The following ADGRL3 variants were observed in gnomAD, a reference collection of about 807,000 sequenced individuals.
The protein encoded by ADGRL3 is calcium-independent alpha-latrotoxin receptor 3.
A neutral mutation model predicts 153.5 loss-of-function variants in ADGRL3; 62 were observed. The ratio of observed to expected loss-of-function variants is 0.40; its 90% CI spans 0.33 to 0.50. The LOEUF (loss-of-function observed/expected upper bound fraction) is 0.50. Ranked by LOEUF, ADGRL3 falls within the 20% of genes least tolerant of loss-of-function variation. The pLI, the probability that ADGRL3 is intolerant of heterozygous loss-of-function variation, is 0.47. For missense variants in ADGRL3, 1,641 were observed against 1,859.4 expected (o/e 0.88, Z 2.16); for synonymous variants, 710 against 672.5 (o/e 1.06, Z -0.86).
chr4:62,069,479 T>C (rs948609518), intron 26 of ADGRL3, among the ~76,000 whole-genome samples: 13 of 152,132 alleles, frequency 8.5e-5, no homozygotes, highest in African/African-American at 2.9e-4. Flanking sequence ...GTGCCATTTA[T>C]CTGACTAAAC....
chr4:62,060,294 C>A (rs531111033), intron 25 of ADGRL3, among the ~76,000 whole-genome samples: 1 of 151,900 alleles, frequency 6.6e-6, no homozygotes, highest in African/African-American at 2.4e-5. Flanking sequence ...AGAAGAGTGG[C>A]GTGCAATCTC....
chr4:61,706,221 A>T (rs1580374085), intron 6 of ADGRL3, among the ~76,000 whole-genome samples: 1 of 152,034 alleles, frequency 6.6e-6, no homozygotes, highest in African/African-American at 2.4e-5. Context: ...GGAGTTCGAG[A>T]CCAGCCTGGC....
chr4:61,381,408 A>T (rs375252287), intron 1 of ADGRL3, among the ~76,000 whole-genome samples: 29 of 151,522 alleles, frequency 1.9e-4, no homozygotes, highest in South Asian at 1.9e-3. Context: ...GGTTCCTTAG[A>T]GAGGGGTGAT....
chr4:62,016,927 T>C (rs147905494), intron 21 of ADGRL3, among the ~76,000 whole-genome samples: 45 of 152,178 alleles, frequency 3.0e-4, no homozygotes, highest in African/African-American at 1.1e-3. Context: ...AATTTGTATA[T>C]AGATTCTTTT....
chr4:61,747,409 G>C lies in ADGRL3; in HGVS notation c.1399+13855G>C, dbSNP rs550930923. Among the ~76,000 whole-genome samples the C allele has an allele frequency of 9.7e-4, 148 of 151,974 alleles. 3 individuals carry two copies. Among genetic ancestry groups the C allele is most frequent in the Non-Finnish European group, 8.1e-4 (55 of 68,002 alleles). On this transcript the variant is annotated intron_variant, in intron 8 of 26. Coordinates refer to ENST00000683033, the MANE Select transcript of ADGRL3 (RefSeq NM_001387552.1). ...GCCTGGCAGAGACACAACCAAAAAA[G>C]AGAATTTTAGACCAATATCTTTGAT...
intron 6 of ADGRL3, among the ~76,000 whole-genome samples, chr4:61,699,918 T>C (rs1332791087): frequency 6.6e-6 from 1 of 150,724 alleles, no homozygotes; most frequent in Non-Finnish European, 1.5e-5. Context: ...AGTAGGAAAA[T>C]TCAGATCTGT....
rs1560623619 is a variant in ADGRL3, at chr4:61,432,643, TTTCTTTCTTTC to T, written c.-174+49457_-174+49467del. 1.5e-3 allele frequency among the ~76,000 whole-genome samples: 124 copies of T among 80,396 alleles called. 5 individuals are homozygous for T. The highest frequency in any genetic ancestry group is 2.5e-3 in the African/African-American group (49 of 19,228). The allele number at this position is 80,396 out of a possible 152,430, so 52.7% of individuals were successfully genotyped here. On this transcript the variant is annotated intron_variant, in intron 2 of 26. Coordinates refer to ENST00000683033, the MANE Select transcript of ADGRL3 (RefSeq NM_001387552.1). ...CTTTCTTTCTTTCTTTCTTTCTTTC[TTTCTTTCTTTC>T]TTTTTTTTTTTTTTTTGAGACAGAA... is the stretch of plus-strand genomic sequence containing the variant.
At chr4:62,016,877 G>T (rs2099214614) in intron 21 of ADGRL3, among the ~76,000 whole-genome samples, 1 of 151,854 alleles carries the variant, frequency 6.6e-6, no homozygotes, top group African/African-American at 2.4e-5. Context: ...AGGTTTTTAA[G>T]ATTTTTCTCC....
At chr4:62,050,952 A>G (rs1190965601) in intron 25 of ADGRL3, among the ~76,000 whole-genome samples, 3 of 151,806 alleles carry the variant, frequency 2.0e-5, no homozygotes, top group African/African-American at 7.2e-5. Context: ...GAATGCAAAT[A>G]TAAGTATTCA....
At position 61,701,460 on chromosome 4, in the gene ADGRL3, A is replaced by T. The variant is rs569201952; in HGVS notation, c.583+24525A>T. ...TTTTTTTTTTTTTTTTTTGAGATGG[A>T]GTCTCACTCTGTTACCCAGGCTGGA... On this transcript the variant is annotated intron_variant, in intron 6 of 26. Coordinates refer to ENST00000683033, the MANE Select transcript of ADGRL3 (RefSeq NM_001387552.1). Among the ~76,000 whole-genome samples the T allele has an allele frequency of 2.5e-3, 269 of 107,790 alleles. 1 individual carries two copies. The highest frequency in any genetic ancestry group is 5.3e-3 in the Admixed American group (41 of 7,726). The allele number at this position is 107,790 out of a possible 152,430, so 70.7% of individuals were successfully genotyped here.
At chr4:61,471,721 T>C (rs1205613181) in intron 2 of ADGRL3, among the ~76,000 whole-genome samples, 3 of 151,986 alleles carry the variant, frequency 2.0e-5, no homozygotes, top group Non-Finnish European at 2.9e-5. Flanking sequence ...CTGACAACAG[T>C]GCAGTATTTA....
rs2098935714 is a variant in ADGRL3, at chr4:61,583,839, A to G, written c.260-3388A>G. Reference sequence around the variant, plus strand: ...ATATAACAGATTACCTCATGGAATAAAAGTGGTAAGGAGCATAAGAAGGTA... The same window carrying G: ...ATATAACAGATTACCTCATGGAATAGAAGTGGTAAGGAGCATAAGAAGGTA... On this transcript the variant is annotated intron_variant, in intron 4 of 26. Coordinates refer to ENST00000683033, the MANE Select transcript of ADGRL3 (RefSeq NM_001387552.1). 24 of 481,672 alleles carry G rather than the reference A, an allele frequency of 5.0e-5. 2 individuals carry two copies. The highest frequency in any genetic ancestry group is 3.7e-4 in the South Asian group (24 of 64,906). 29.8% of individuals were successfully genotyped at this position (481,672 alleles called of 1,614,324 possible).
chr4:61,594,097 G>A (rs566203585), intron 5 of ADGRL3, among the ~76,000 whole-genome samples: 17 of 152,144 alleles, frequency 1.1e-4, no homozygotes, highest in East Asian at 1.9e-4. Flanking sequence ...ACTTTGAAGC[G>A]TTCTTCAGCA....
intron 2 of ADGRL3, among the ~76,000 whole-genome samples, chr4:61,433,750 A>G (rs1181621174): frequency 6.6e-6 from 1 of 152,188 alleles, no homozygotes; most frequent in Non-Finnish European, 1.5e-5. Flanking sequence ...TCATATAATC[A>G]GCTGCCTAAT....
At chr4:61,757,311 C>G (rs996695277) in intron 8 of ADGRL3, among the ~76,000 whole-genome samples, 2 of 152,078 alleles carry the variant, frequency 1.3e-5, no homozygotes, top group Non-Finnish European at 2.9e-5. Context: ...TGTTATTGGT[C>G]TATTCAGAGA....
At chr4:61,308,514 G>A (rs997423318) in intron 1 of ADGRL3, among the ~76,000 whole-genome samples, 1 of 152,148 alleles carries the variant, frequency 6.6e-6, no homozygotes. Flanking sequence ...CACTTACTAT[G>A]CCTAACCTAT....
intron 9 of ADGRL3, among the ~76,000 whole-genome samples, chr4:61,860,411 T>A (rs777227294): frequency 2.6e-5 from 4 of 151,988 alleles, no homozygotes; most frequent in Non-Finnish European, 4.4e-5. Flanking sequence ...TGGAAAGAAA[T>A]GTGGAATTAT....
At chr4:61,999,765 G>A (rs1038453276) in intron 21 of ADGRL3, among the ~76,000 whole-genome samples, 1 of 152,106 alleles carries the variant, frequency 6.6e-6, no homozygotes, top group African/African-American at 2.4e-5. Context: ...AAGGTGTATT[G>A]ACATTAAGTA....
intron 9 of ADGRL3, among the ~76,000 whole-genome samples, chr4:61,840,352 T>C (rs993318821): frequency 2.6e-5 from 4 of 152,248 alleles, no homozygotes; most frequent in Non-Finnish European, 5.9e-5. Flanking sequence ...AGTGCTGGGA[T>C]TACAGGCGTG....
Sources: allele counts gnomAD v4.1 joint callset (sites outside exome capture counted in the v4.1 genomes callset), GRCh38; gene constraint gnomAD v4.1.1; transcripts MANE v1.5; gene names NCBI Gene and HGNC (gene_info 2026-07-23, HGNC 2026-07-21).